GPR157: variants seen among roughly 807,000 people sequenced by gnomAD.
GPR157 encodes G protein-coupled receptor 157, also known as G-protein coupled receptor 157.
GPR157 carries 16 observed loss-of-function variants against 23.5 expected under a neutral mutation model. That is an observed-to-expected ratio of 0.68 (90% CI 0.46 to 1.04). The LOEUF is 1.04. Ranked by LOEUF, GPR157 falls within the 50% of genes least tolerant of loss-of-function variation. The probability of loss-of-function intolerance (pLI) is 0.00; values close to 1 mark genes in which losing one functional copy is unlikely to be tolerated. For missense variants in GPR157, 440 were observed against 460.7 expected, an observed-to-expected ratio of 0.96 and a Z score of 0.41; for synonymous variants, 200 against 221.5, an observed-to-expected ratio of 0.90 and a Z score of 0.86.
intron 1 of GPR157, among the ~76,000 whole-genome samples, chr1:9,116,309 T>TATAATATAA (rs1466795332): frequency 2.9e-4 from 2 of 6,986 alleles, no homozygotes; most frequent in Non-Finnish European, 1.9e-4. Flanking sequence ...ATATATTATA[T>TATAATATAA]TATATATAAT....
intron 1 of GPR157, among the ~76,000 whole-genome samples, chr1:9,123,172 A>ATAT (rs1312673043): frequency 2.0e-4 from 25 of 125,496 alleles, no homozygotes; most frequent in East Asian, 8.7e-4. Flanking sequence ...GGAAAAAAAA[A>ATAT]AAATATATAT....
At chr1:9,116,304 T>TAATTATA (rs1557698155) in intron 1 of GPR157, among the ~76,000 whole-genome samples, 16 of 11,234 alleles carry the variant, frequency 1.4e-3, no homozygotes, top group East Asian at 0.028. Context: ...ATTATATATA[T>TAATTATA]TATATTATAT....
intron 1 of GPR157, among the ~76,000 whole-genome samples, chr1:9,117,806 A>C (rs1638716053): frequency 6.6e-6 from 1 of 151,750 alleles, no homozygotes. Flanking sequence ...ACAAAAAAAC[A>C]AAAAAAACCC....
In GPR157 at chr1:9,120,633, G is replaced by T. The variant is rs1026960782; in HGVS notation, c.383+8012C>A. Among the ~76,000 whole-genome samples the T allele has an allele frequency of 6.6e-6, 1 of 152,146 alleles. No individual in the cohort carries two copies. The highest frequency in any genetic ancestry group is 1.5e-5 in the Non-Finnish European group (1 of 68,048). Reference sequence around the variant, plus strand: ...GTCAGCCCCTAGGCCAGGCTACCACGAGGTCACTCTGCAGCTTTAACTGCA... The same window carrying T: ...GTCAGCCCCTAGGCCAGGCTACCACTAGGTCACTCTGCAGCTTTAACTGCA... On this transcript the variant is annotated intron_variant, in intron 1 of 3. Transcript: ENST00000377411. The surrounding 1 kb of genome is among the most constrained non-coding windows in gnomAD (Gnocchi z 4.1).
At chr1:9,115,366 A>T (rs1044027211) in intron 1 of GPR157, among the ~76,000 whole-genome samples, 1 of 152,224 alleles carries the variant, frequency 6.6e-6, no homozygotes, top group Non-Finnish European at 1.5e-5. Flanking sequence ...TGATTCTCAC[A>T]GAATGCTTTT....
At chr1:9,124,779 G>A (rs1638929210) in intron 1 of GPR157, among the ~76,000 whole-genome samples, 1 of 152,142 alleles carries the variant, frequency 6.6e-6, no homozygotes, top group African/African-American at 2.4e-5. Context: ...CTGTATTTCT[G>A]TTTTAAGGCT....
chr1:9,123,552 A>AAT lies in GPR157; in HGVS notation c.383+5091_383+5092dup, dbSNP rs1251996922. 3.2e-5 allele frequency among the ~76,000 whole-genome samples: 3 copies of AAT among 92,390 alleles called. No individual in the cohort carries two copies. In the South Asian group the frequency reaches 9.3e-4, roughly 29 times the overall value. The allele number at this position is 92,390 out of a possible 152,430, so 60.6% of individuals were successfully genotyped here. A position where few individuals can be genotyped will look rare whatever the true frequency, so the allele number is the denominator to read the frequency against. On this transcript the variant is annotated intron_variant, in intron 1 of 3. Coordinates refer to ENST00000377411, the MANE Select transcript of GPR157 (RefSeq NM_024980.5). ...TATATATTTAAATATATCTAATTTA[A>AAT]ATATATATTTAAATATATTTTAAAT...
chr1:9,108,516 G>A (rs954573791), intron 2 of GPR157, among the ~76,000 whole-genome samples: 23 of 152,338 alleles, frequency 1.5e-4, no homozygotes, highest in Middle Eastern at 6.8e-3. Flanking sequence ...CTGGCGGAGT[G>A]CCTGGGATAC....
Position 9,118,432 on chromosome 1 carries a change from G to A in GPR157, c.384-6943C>T, listed in dbSNP as rs1638731133. On this transcript the variant is annotated intron_variant, in intron 1 of 3. Transcript: ENST00000377411. The surrounding 1 kb of genome is among the most constrained non-coding windows in gnomAD (Gnocchi z 4.6). Reference sequence around the variant, plus strand: ...CCAAGCTGAGCCTGCCTGGACGGAGGAAGCCCGGGACAGCCACCTCGTGTG... The same window carrying A: ...CCAAGCTGAGCCTGCCTGGACGGAGAAAGCCCGGGACAGCCACCTCGTGTG... Among the ~76,000 whole-genome samples the A allele has an allele frequency of 6.6e-6, 1 of 152,142 alleles. No individual in the cohort carries two copies. Among genetic ancestry groups the A allele is most frequent in the South Asian group, 2.1e-4 (1 of 4,834 alleles).
intron 1 of GPR157, among the ~76,000 whole-genome samples, chr1:9,127,776 G>A (rs1638996903): frequency 6.6e-6 from 1 of 152,108 alleles, no homozygotes; most frequent in Admixed American, 6.6e-5. Flanking sequence ...CTATAATTAG[G>A]GCAGTATCTG....
intron 1 of GPR157, among the ~76,000 whole-genome samples, chr1:9,121,263 T>C (rs141210167): frequency 1.3e-5 from 2 of 151,102 alleles, no homozygotes; most frequent in Admixed American, 1.3e-4. Flanking sequence ...ACCTGGGAGA[T>C]AGAGGCTGTA....
chr1:9,114,920 CAAAAAAAAA>C (rs70985588), intron 1 of GPR157, among the ~76,000 whole-genome samples: 5 of 85,508 alleles, frequency 5.8e-5, no homozygotes, highest in Admixed American at 1.4e-4. Flanking sequence ...GACTCCGTCT[CAAAAAAAAA>C]AAAAAAAAAA....
At chr1:9,113,067 C>T (rs1638549404) in intron 1 of GPR157, among the ~76,000 whole-genome samples, 1 of 152,122 alleles carries the variant, frequency 6.6e-6, no homozygotes, top group Non-Finnish European at 1.5e-5. Flanking sequence ...ATTGTCGGGT[C>T]GTTATGAGAA....
chr1:9,111,197 G>T (rs1282589493), intron 2 of GPR157, 79 bp downstream of exon 2: 1 of 1,389,824 alleles, frequency 7.2e-7, no homozygotes, highest in East Asian at 2.4e-5. Flanking sequence ...TCCCCTCGGG[G>T]GGCCAAACTC....
chr1:9,126,026 G>A (rs913353033), intron 1 of GPR157, among the ~76,000 whole-genome samples: 1 of 150,348 alleles, frequency 6.7e-6, no homozygotes, highest in African/African-American at 2.5e-5. Flanking sequence ...GTGCAGTGGC[G>A]CGATCGTGGC....
chr1:9,106,380 C>T (rs1199166316), intron 2 of GPR157, among the ~76,000 whole-genome samples: 2 of 152,120 alleles, frequency 1.3e-5, no homozygotes, highest in African/African-American at 2.4e-5. Context: ...CTTGAAAACC[C>T]GAGTCTGCTC....
chr1:9,118,008 G>C lies in GPR157; in HGVS notation c.384-6519C>G, dbSNP rs1440591515. ...GGGGTCATCCTGCTGCTCAGATGTG[G>C]GTGGCTCAGAACAGCCAATGGCTGG... On this transcript the variant is annotated intron_variant, in intron 1 of 3. Transcript: ENST00000377411. The surrounding 1 kb of genome is among the most constrained non-coding windows in gnomAD (Gnocchi z 4.6). 6.6e-6 allele frequency among the ~76,000 whole-genome samples: 1 copy of C among 152,200 alleles called. No individual in the cohort carries two copies. The highest frequency in any genetic ancestry group is 1.5e-5 in the Non-Finnish European group (1 of 68,038).
chr1:9,121,148 C>A (rs1307787279), intron 1 of GPR157, among the ~76,000 whole-genome samples: 1 of 152,034 alleles, frequency 6.6e-6, no homozygotes, highest in Non-Finnish European at 1.5e-5. Flanking sequence ...GCCTGGCCAA[C>A]ATGGTAAAAT....
At chr1:9,123,818 A>C (rs1452162033) in intron 1 of GPR157, among the ~76,000 whole-genome samples, 1 of 135,348 alleles carries the variant, frequency 7.4e-6, no homozygotes, top group African/African-American at 2.9e-5. Context: ...TATTAAATAT[A>C]TATACAAATA....
Sources: gnomAD v4.1 joint callset for allele counts (sites outside exome capture counted in the v4.1 genomes callset) on GRCh38, gnomAD v4.1.1 for gene constraint, Gnocchi (gnomAD v3.1) non-coding constraint, MANE v1.5 for transcripts, NCBI Gene and HGNC (gene_info 2026-07-23, HGNC 2026-07-21) for gene names.